The following ZRANB3 variants were observed in gnomAD, a reference collection of about 807,000 sequenced individuals.
ZRANB3 encodes the protein zinc finger RANBP2-type containing 3.
ZRANB3 carries 125 observed loss-of-function variants against 133.8 expected under a neutral mutation model. The ratio of observed to expected loss-of-function variants is 0.93; its 90% CI spans 0.81 to 1.08. The LOEUF (loss-of-function observed/expected upper bound fraction) is 1.08. Ranked by LOEUF, ZRANB3 falls within the 50% of genes least tolerant of loss-of-function variation. ZRANB3 has a pLI of 0.00. For missense variants in ZRANB3, 1,229 were observed against 1,275.5 expected (o/e 0.96, Z 0.56); for synonymous variants, 387 against 432.7 (o/e 0.89, Z 1.31).
intron 6 of ZRANB3, among the ~76,000 whole-genome samples, chr2:135,324,728 T>A (rs1266682985): frequency 1.3e-5 from 2 of 152,160 alleles, no homozygotes; most frequent in African/African-American, 2.4e-5. Context: ...TTTCTCCACA[T>A]CCTCTCCAGC....
intron 2 of ZRANB3, among the ~76,000 whole-genome samples, chr2:135,465,813 A>C (rs1690962673): frequency 6.6e-6 from 1 of 152,200 alleles, no homozygotes; most frequent in Non-Finnish European, 1.5e-5. Context: ...AACTTAAACA[A>C]ATTTACAAGA....
intron 6 of ZRANB3, among the ~76,000 whole-genome samples, chr2:135,329,958 A>C (rs1294656970): frequency 6.6e-6 from 1 of 152,182 alleles, no homozygotes; most frequent in Non-Finnish European, 1.5e-5. Context: ...TTTTGGGCTG[A>C]GACAGTGGGG....
chr2:135,357,861 G>T (rs902108490), intron 3 of ZRANB3, among the ~76,000 whole-genome samples: 1 of 152,182 alleles, frequency 6.6e-6, no homozygotes, highest in Non-Finnish European at 1.5e-5. Context: ...ATTCACAGAA[G>T]CTTTGGGTAG....
chr2:135,246,633 T>A (rs951951438), intron 12 of ZRANB3, among the ~76,000 whole-genome samples: 1 of 152,222 alleles, frequency 6.6e-6, no homozygotes, highest in African/African-American at 2.4e-5. Context: ...AATATAATTA[T>A]AACAACACGC....
chr2:135,445,586 G>A (rs1164805346), intron 2 of ZRANB3, among the ~76,000 whole-genome samples: 1 of 152,068 alleles, frequency 6.6e-6, no homozygotes, highest in Non-Finnish European at 1.5e-5. Context: ...GGTTGAAACT[G>A]CATGACAAGG....
chr2:135,504,118 A>G, intron 2 of ZRANB3: 2 of 634,230 alleles, frequency 3.2e-6, no homozygotes, highest in Admixed American at 4.8e-5. Context: ...AGATAACTGA[A>G]CATACTTTCT....
intron 2 of ZRANB3, among the ~76,000 whole-genome samples, chr2:135,416,527 T>C (rs1421654809): frequency 1.3e-5 from 2 of 151,848 alleles, no homozygotes; most frequent in African/African-American, 2.4e-5. Flanking sequence ...AAAATGGCCA[T>C]ACTGCCCAAG....
intron 2 of ZRANB3, among the ~76,000 whole-genome samples, chr2:135,478,991 C>A (rs1691635067): frequency 6.6e-6 from 1 of 151,354 alleles, no homozygotes; most frequent in South Asian, 2.1e-4. Flanking sequence ...ATTACTAGCT[C>A]TCAGAACACA....
At chr2:135,250,994 C>T (rs1012578559) in intron 12 of ZRANB3, among the ~76,000 whole-genome samples, 17 of 152,166 alleles carry the variant, frequency 1.1e-4, no homozygotes, top group Admixed American at 1.1e-3. Flanking sequence ...AAGCCATAGA[C>T]ACTCAATGCC....
At chr2:135,459,327 C>T (rs1690664870) in intron 2 of ZRANB3, among the ~76,000 whole-genome samples, 1 of 152,166 alleles carries the variant, frequency 6.6e-6, no homozygotes, top group African/African-American at 2.4e-5. Context: ...AAACTCATCT[C>T]TTCATCTCAT....
At chr2:135,278,295 T>A (rs1680935272) in intron 8 of ZRANB3, among the ~76,000 whole-genome samples, 1 of 152,174 alleles carries the variant, frequency 6.6e-6, no homozygotes, top group African/African-American at 2.4e-5. Context: ...GATTTCTCAA[T>A]ACCAATACCA....
chr2:135,267,349 A>G (rs186659670), intron 11 of ZRANB3, among the ~76,000 whole-genome samples: 4 of 152,170 alleles, frequency 2.6e-5, no homozygotes, highest in African/African-American at 9.6e-5. Context: ...TCCTCTTCCT[A>G]TAAAGCCACC....
chr2:135,381,395 G>A (rs1179968877), intron 3 of ZRANB3, among the ~76,000 whole-genome samples: 1 of 152,236 alleles, frequency 6.6e-6, no homozygotes, highest in South Asian at 2.1e-4. Flanking sequence ...AATGAGGTCT[G>A]CCTGCCTCTG....
chr2:135,519,872 A>G (rs1440246965), intron 1 of ZRANB3, among the ~76,000 whole-genome samples: 2 of 152,148 alleles, frequency 1.3e-5, no homozygotes, highest in African/African-American at 4.8e-5. Flanking sequence ...AGGCTTCTAA[A>G]TATACATACA....
chr2:135,230,250 C>A (rs984276843), intron 13 of ZRANB3, among the ~76,000 whole-genome samples: 4 of 152,334 alleles, frequency 2.6e-5, no homozygotes, highest in African/African-American at 9.6e-5. Context: ...ATCCTGCTGA[C>A]ATTAATCAGA....
chr2:135,324,367 T>C (rs1683694073), intron 6 of ZRANB3, among the ~76,000 whole-genome samples: 2 of 152,028 alleles, frequency 1.3e-5, no homozygotes, highest in African/African-American at 4.8e-5. Context: ...TTGCTGAGAA[T>C]GATGGTTTCC....
At chr2:135,214,577 T>C (rs1423218348) in intron 17 of ZRANB3, among the ~76,000 whole-genome samples, 1 of 152,060 alleles carries the variant, frequency 6.6e-6, no homozygotes, top group Non-Finnish European at 1.5e-5. Context: ...ATTATGATCA[T>C]GTGAGAAAGA....
At chr2:135,405,609 T>C (rs531940270) in intron 2 of ZRANB3, among the ~76,000 whole-genome samples, 1 of 152,270 alleles carries the variant, frequency 6.6e-6, no homozygotes, top group African/African-American at 2.4e-5. Context: ...ACAGAAATTA[T>C]AACAAACTCT....
At chr2:135,230,213 G>A (rs747282530) in intron 13 of ZRANB3, among the ~76,000 whole-genome samples, 4 of 152,184 alleles carry the variant, frequency 2.6e-5, no homozygotes, top group Admixed American at 6.5e-5. Flanking sequence ...TAGCAACAGA[G>A]CTTCTATTCC....
Sources: gnomAD v4.1 joint callset for allele counts (sites outside exome capture counted in the v4.1 genomes callset) on GRCh38, gnomAD v4.1.1 for gene constraint, MANE v1.5 for transcripts, NCBI Gene and HGNC (gene_info 2026-07-23, HGNC 2026-07-21) for gene names.